Variants in NGEF observed in about 807,000 individuals in gnomAD.
NGEF encodes ephexin-1.
A neutral mutation model predicts 80.9 loss-of-function variants in NGEF; 31 were observed. The observed-to-expected ratio is 0.38, with a 90% CI of 0.29 to 0.52. NGEF has a LOEUF of 0.52. NGEF is among the 20% of genes least tolerant of loss of function. The probability of loss-of-function intolerance (pLI) is 0.84; values close to 1 mark genes in which losing one functional copy is unlikely to be tolerated. For missense variants in NGEF, 709 were observed against 926.2 expected (o/e 0.77, Z 3.04); for synonymous variants, 371 against 370.2 (o/e 1.00, Z -0.03).
At chr2:233,007,330 G>A (rs908547765) in intron 1 of NGEF, among the ~76,000 whole-genome samples, 2 of 152,208 alleles carry the variant, frequency 1.3e-5, no homozygotes, top group Non-Finnish European at 1.5e-5. Flanking sequence ...CAGAGTATTT[G>A]GAGGGGGAAC....
intron 1 of NGEF, among the ~76,000 whole-genome samples, chr2:233,005,387 A>T (rs1695064132): frequency 6.6e-6 from 1 of 152,178 alleles, no homozygotes; most frequent in South Asian, 2.1e-4. Flanking sequence ...CCACCCTACC[A>T]AACACTTCTG....
At chr2:232,994,268 G>C (rs970390427) in intron 1 of NGEF, among the ~76,000 whole-genome samples, 2 of 151,878 alleles carry the variant, frequency 1.3e-5, no homozygotes, top group African/African-American at 2.4e-5. Context: ...TACTCAGGGG[G>C]CTGAGACAGG....
chr2:232,947,872 G>T (rs1486879659), intron 3 of NGEF, among the ~76,000 whole-genome samples: 1 of 151,944 alleles, frequency 6.6e-6, no homozygotes, highest in African/African-American at 2.4e-5. Context: ...GACCTTTTTT[G>T]ATTACAGGAA....
intron 5 of NGEF, among the ~76,000 whole-genome samples, chr2:232,906,259 G>C (rs1692531573): frequency 8.3e-6 from 1 of 120,332 alleles, no homozygotes; most frequent in Non-Finnish European, 1.8e-5. Flanking sequence ...CCCCATCCGG[G>C]AGGTGAGGGG....
At chr2:232,985,944 A>G (rs1559235790) in intron 1 of NGEF, among the ~76,000 whole-genome samples, 3 of 152,110 alleles carry the variant, frequency 2.0e-5, no homozygotes, top group Admixed American at 6.5e-5. Context: ...CGTCCAAAAA[A>G]AAAAAAGAAA....
chr2:232,956,019 C>T (rs930079739), intron 3 of NGEF, among the ~76,000 whole-genome samples: 3 of 152,134 alleles, frequency 2.0e-5, no homozygotes, highest in Non-Finnish European at 2.9e-5. Context: ...CCTCAATCTC[C>T]CCCAAACGTG....
At chr2:232,911,165 T>C (rs554134811) in intron 5 of NGEF, among the ~76,000 whole-genome samples, 13 of 152,354 alleles carry the variant, frequency 8.5e-5, no homozygotes, top group Admixed American at 5.2e-4. Flanking sequence ...TTTGAGTTAA[T>C]TTTTGTTATG....
intron 14 of NGEF, among the ~76,000 whole-genome samples, chr2:232,880,636 A>G (rs147478913): frequency 1.7e-3 from 262 of 152,362 alleles, no homozygotes; most frequent in African/African-American, 6.0e-3. Flanking sequence ...TCAGTGTTCA[A>G]TTCTACAGGG....
intron 3 of NGEF, among the ~76,000 whole-genome samples, chr2:232,957,541 T>C (rs1266063163): frequency 6.6e-6 from 1 of 152,224 alleles, no homozygotes; most frequent in Non-Finnish European, 1.5e-5. Flanking sequence ...CAGGGTGGTC[T>C]TGAACTCCTG....
At chr2:232,979,403 GA>G (rs1298034392) in intron 1 of NGEF, among the ~76,000 whole-genome samples, 1 of 150,748 alleles carries the variant, frequency 6.6e-6, no homozygotes, top group Non-Finnish European at 1.5e-5. Flanking sequence ...CACAGGAAGA[GA>G]TTGTAAAACT....
chr2:232,926,244 A>C (rs1693063740), intron 4 of NGEF, among the ~76,000 whole-genome samples: 1 of 152,016 alleles, frequency 6.6e-6, no homozygotes, highest in South Asian at 2.1e-4. Flanking sequence ...GAACGAAAAG[A>C]CTTCTGGAAC....
chr2:232,916,047 G>C (rs1348939086), intron 5 of NGEF, among the ~76,000 whole-genome samples: 1 of 152,170 alleles, frequency 6.6e-6, no homozygotes, highest in Admixed American at 6.5e-5. Flanking sequence ...CCTTTTCACT[G>C]TAAAGTGTAC....
At chr2:233,010,658 A>C (rs1237125621) in intron 1 of NGEF, among the ~76,000 whole-genome samples, 1 of 152,070 alleles carries the variant, frequency 6.6e-6, no homozygotes, top group Non-Finnish European at 1.5e-5. Flanking sequence ...CCAGGTCCTT[A>C]ATCAACCACC....
At chr2:233,008,260 G>A (rs1330294154) in intron 1 of NGEF, among the ~76,000 whole-genome samples, 1 of 152,220 alleles carries the variant, frequency 6.6e-6, no homozygotes, top group Non-Finnish European at 1.5e-5. Context: ...TTGCGGTAAA[G>A]GGTATGGAGG....
chr2:232,885,674 G>T lies in NGEF; in HGVS notation c.1348-305C>A, dbSNP rs908729756. The T allele has an allele frequency of 2.6e-5, 9 of 349,192 alleles. No individual in the cohort carries two copies. In the East Asian group the frequency reaches 5.9e-4, roughly 23 times the overall value. The allele number at this position is 349,192 out of a possible 1,614,324, so 21.6% of individuals were successfully genotyped here. A position where few individuals can be genotyped will look rare whatever the true frequency, so the allele number is the denominator to read the frequency against. On this transcript the variant is annotated intron_variant, in intron 9 of 14. Transcript: ENST00000264051. ...TCCTCCTCTGTAGGCTGGACGGACC[G>T]GCAGGGCTCCGGGCTGTTCTCCCCA...
Position 232,927,174 on chromosome 2 carries a change from G to A in NGEF, c.396C>T (p.Ser132=). Residue 132 remains serine, a synonymous_variant, in exon 4 of 15, where the codon TCC becomes TCT. Transcript: ENST00000264051. The stretch of plus-strand genomic sequence containing the variant: ...CGGGCGTGGCCCCATTTCCCGGGGT[G>A]GAGGACGACTCACTGCCAGAGAGGG... ...PGAQEMSESS[S]TPGNGATPEE... 1 of 1,594,668 alleles carries A rather than the reference G, an allele frequency of 6.3e-7. No individual in the cohort carries two copies. The highest frequency in any genetic ancestry group is 2.2e-5 in the East Asian group (1 of 44,662).
At chr2:232,982,494 A>G (rs1433893271) in intron 1 of NGEF, among the ~76,000 whole-genome samples, 5 of 152,104 alleles carry the variant, frequency 3.3e-5, no homozygotes, top group African/African-American at 1.2e-4. Context: ...GCCTCTTCCC[A>G]GGTAGGAAGC....
At chr2:232,997,595 C>T (rs537037746) in intron 1 of NGEF, among the ~76,000 whole-genome samples, 9 of 152,252 alleles carry the variant, frequency 5.9e-5, no homozygotes, top group Non-Finnish European at 1.2e-4. Flanking sequence ...CCTATTCTCC[C>T]TCAGAAAGGG....
At chr2:232,882,841 C>T (rs1218784956) in intron 12 of NGEF, among the ~76,000 whole-genome samples, 1 of 152,218 alleles carries the variant, frequency 6.6e-6, no homozygotes, top group Admixed American at 6.5e-5. Context: ...GCATCTCTCC[C>T]CACATTTAGC....
Sources: gnomAD v4.1 joint callset for allele counts (sites outside exome capture counted in the v4.1 genomes callset) on GRCh38, gnomAD v4.1.1 for gene constraint, MANE v1.5 for transcripts, NCBI Gene and HGNC (gene_info 2026-07-23, HGNC 2026-07-21) for gene names.